DLG2: variants seen among roughly 807,000 people sequenced by gnomAD.
DLG2 encodes disks large homolog 2.
A neutral mutation model predicts 132.5 loss-of-function variants in DLG2; 45 were observed. The ratio of observed to expected loss-of-function variants is 0.34; its 90% CI spans 0.27 to 0.44. The LOEUF (loss-of-function observed/expected upper bound fraction) is 0.44. DLG2 is among the 20% of genes least tolerant of loss of function. The probability of loss-of-function intolerance (pLI) is 1.00; values close to 1 mark genes in which losing one functional copy is unlikely to be tolerated. For missense variants in DLG2, 1,045 were observed against 1,196.9 expected (o/e 0.87, Z 1.87); for synonymous variants, 424 against 419.6 (o/e 1.01, Z -0.13).
chr11:83,687,864 T>A (rs1566537305), intron 18 of DLG2, among the ~76,000 whole-genome samples: 1 of 152,022 alleles, frequency 6.6e-6, no homozygotes, highest in Non-Finnish European at 1.5e-5. Flanking sequence ...CAGCTGGTCA[T>A]GATGGCATAC....
At chr11:84,840,612 C>T (rs948803819) in intron 6 of DLG2, among the ~76,000 whole-genome samples, 1 of 152,058 alleles carries the variant, frequency 6.6e-6, no homozygotes, top group Non-Finnish European at 1.5e-5. Flanking sequence ...CAATAATAGA[C>T]TGGATTAAGA....
intron 6 of DLG2, among the ~76,000 whole-genome samples, chr11:85,086,744 G>A (rs10898360): frequency 0.24 from 36,105 of 151,972 alleles, 4,545 homozygotes; most frequent in Middle Eastern, 0.3. Flanking sequence ...TAAAGGTCAC[G>A]GGATTTGACT....
chr11:85,068,655 T>C (rs576251363), intron 6 of DLG2, among the ~76,000 whole-genome samples: 97 of 151,956 alleles, frequency 6.4e-4, no homozygotes, highest in Middle Eastern at 3.4e-3. Flanking sequence ...TAAAAGAGGA[T>C]ACAAAGAAAT....
intron 7 of DLG2, among the ~76,000 whole-genome samples, chr11:84,368,279 A>G (rs955007237): frequency 1.3e-5 from 2 of 152,132 alleles, no homozygotes; most frequent in African/African-American, 4.8e-5. Context: ...ATCTTATTTT[A>G]GCTTTTTTTT....
chr11:85,498,102 G>T (rs2093710022), intron 3 of DLG2, among the ~76,000 whole-genome samples: 1 of 152,096 alleles, frequency 6.6e-6, no homozygotes, highest in African/African-American at 2.4e-5. Context: ...ATGTAAATGG[G>T]CTAAATGCCC....
At chr11:84,647,616 G>T (rs1437158647) in intron 6 of DLG2, among the ~76,000 whole-genome samples, 1 of 152,142 alleles carries the variant, frequency 6.6e-6, no homozygotes, top group African/African-American at 2.4e-5. Flanking sequence ...CCTATAGATA[G>T]TCAGGTAGCC....
intron 7 of DLG2, among the ~76,000 whole-genome samples, chr11:84,414,267 A>G (rs1213466618): frequency 6.6e-6 from 1 of 152,202 alleles, no homozygotes. Flanking sequence ...TCATTTTATT[A>G]TAATCATTAT....
intron 8 of DLG2, among the ~76,000 whole-genome samples, chr11:84,192,323 T>C (rs1033352845): frequency 1.3e-5 from 2 of 152,218 alleles, no homozygotes. Flanking sequence ...ATCTAAAACA[T>C]GTTCTGAGTA....
At chr11:84,533,211 A>T (rs1472277712) in intron 7 of DLG2, among the ~76,000 whole-genome samples, 1 of 152,204 alleles carries the variant, frequency 6.6e-6, no homozygotes, top group Non-Finnish European at 1.5e-5. Flanking sequence ...CAAATATAAT[A>T]TACATTCCTG....
chr11:85,022,309 T>C (rs954378630), intron 6 of DLG2, among the ~76,000 whole-genome samples: 1 of 151,872 alleles, frequency 6.6e-6, no homozygotes, highest in Admixed American at 6.6e-5. Flanking sequence ...TGGTAAGAAA[T>C]AGAACACTTG....
At chr11:84,555,011 G>T (rs2099409229) in intron 6 of DLG2, among the ~76,000 whole-genome samples, 1 of 152,048 alleles carries the variant, frequency 6.6e-6, no homozygotes, top group Non-Finnish European at 1.5e-5. Flanking sequence ...TTCTGAAGAG[G>T]GGTGAGTGAA....
At chr11:84,379,972 A>T (rs138273588) in intron 7 of DLG2, among the ~76,000 whole-genome samples, 3 of 152,212 alleles carry the variant, frequency 2.0e-5, no homozygotes, top group Admixed American at 6.6e-5. Context: ...TAGATTACCT[A>T]AAGTAACACA....
chr11:85,253,559 T>C (rs1477527800), intron 4 of DLG2, among the ~76,000 whole-genome samples: 4 of 152,018 alleles, frequency 2.6e-5, no homozygotes, highest in African/African-American at 9.7e-5. Flanking sequence ...CAGCAGTATC[T>C]AGGGGAGGGT....
intron 3 of DLG2, among the ~76,000 whole-genome samples, chr11:85,370,204 T>C (rs1382786210): frequency 6.6e-6 from 1 of 152,198 alleles, no homozygotes; most frequent in African/African-American, 2.4e-5. Flanking sequence ...AAGTTTTACC[T>C]TAAAGTTAAA....
chr11:84,206,740 G>T (rs2096670985), intron 8 of DLG2, among the ~76,000 whole-genome samples: 1 of 151,866 alleles, frequency 6.6e-6, no homozygotes, highest in Non-Finnish European at 1.5e-5. Flanking sequence ...TTATATTGGA[G>T]ACCTTAGCAT....
chr11:84,029,003 G>GA (rs1020230430), intron 11 of DLG2, among the ~76,000 whole-genome samples: 1 of 151,914 alleles, frequency 6.6e-6, no homozygotes, highest in Non-Finnish European at 1.5e-5. Context: ...ATGAATGAAT[G>GA]AACAAATCAA....
At chr11:85,256,817 T>A (rs2076693274) in intron 4 of DLG2, among the ~76,000 whole-genome samples, 1 of 152,200 alleles carries the variant, frequency 6.6e-6, no homozygotes, top group Non-Finnish European at 1.5e-5. Context: ...GTCTAGTGTA[T>A]CATTGTTATC....
At chr11:84,026,639 CTAAAT>C (rs2095542794) in intron 11 of DLG2, among the ~76,000 whole-genome samples, 1 of 152,046 alleles carries the variant, frequency 6.6e-6, no homozygotes, top group South Asian at 2.1e-4. Flanking sequence ...TAGTGCCTAA[CTAAAT>C]TAATGTTTGT....
chr11:84,691,989 T>C (rs925150328), intron 6 of DLG2, among the ~76,000 whole-genome samples: 5 of 151,832 alleles, frequency 3.3e-5, no homozygotes, highest in African/African-American at 1.2e-4. Flanking sequence ...TTTCAGCTCC[T>C]TTTGTTAGCT....
Sources: allele counts gnomAD v4.1 joint callset (sites outside exome capture counted in the v4.1 genomes callset), GRCh38; gene constraint gnomAD v4.1.1; transcripts MANE v1.5; gene names NCBI Gene and HGNC (gene_info 2026-07-23, HGNC 2026-07-21).